CALN1: variants seen among roughly 807,000 people sequenced by gnomAD.
CALN1 encodes the protein calneuron 1.
CALN1 carries 17 observed loss-of-function variants against 30.6 expected under a neutral mutation model. The ratio of observed to expected loss-of-function variants is 0.56; its 90% CI spans 0.38 to 0.83. The LOEUF is 0.83. Ranked by LOEUF, CALN1 falls within the 40% of genes least tolerant of loss-of-function variation. CALN1 has a pLI of 0.00. For missense variants in CALN1, 291 were observed against 354.9 expected (o/e 0.82, Z 1.45); for synonymous variants, 156 against 131.4 (o/e 1.19, Z -1.28).
At chr7:72,179,437 T>C (rs6963158) in intron 3 of CALN1, among the ~76,000 whole-genome samples, 39,138 of 152,134 alleles carry the variant, frequency 0.26, 6,016 homozygotes, top group Non-Finnish European at 0.35. Flanking sequence ...TAAACACTTA[T>C]GTCTGCATCG....
At chr7:72,035,296 CCT>C (rs1332627758) in intron 4 of CALN1, among the ~76,000 whole-genome samples, 4 of 152,114 alleles carry the variant, frequency 2.6e-5, no homozygotes, top group Admixed American at 6.5e-5. Context: ...CCCTCCAGCC[CCT>C]GATGACCACC....
chr7:72,444,272 C>A (rs77497491), intron 1 of CALN1, among the ~76,000 whole-genome samples: 1,861 of 152,054 alleles, frequency 0.012, 40 homozygotes, highest in African/African-American at 0.043. Flanking sequence ...GCTCCCAGGG[C>A]ACTCCTGGAG....
At chr7:72,004,716 AAAC>A (rs1181438041) in intron 5 of CALN1, among the ~76,000 whole-genome samples, 4 of 152,208 alleles carry the variant, frequency 2.6e-5, no homozygotes, top group Non-Finnish European at 5.9e-5. Context: ...AACAAAACAA[AAAC>A]AACTAACCAA....
intron 5 of CALN1, among the ~76,000 whole-genome samples, chr7:71,856,919 C>A (rs1347099963): frequency 6.6e-6 from 1 of 151,992 alleles, no homozygotes; most frequent in African/African-American, 2.4e-5. Context: ...CGTGCCATTG[C>A]ACTCCAGCCT....
chr7:71,920,102 T>C (rs1398732360), intron 5 of CALN1, among the ~76,000 whole-genome samples: 1 of 152,184 alleles, frequency 6.6e-6, no homozygotes, highest in Non-Finnish European at 1.5e-5. Context: ...GTTTAAAGGA[T>C]TGCAGACATG....
At chr7:71,934,259 G>A (rs1795712700) in intron 5 of CALN1, among the ~76,000 whole-genome samples, 1 of 152,154 alleles carries the variant, frequency 6.6e-6, no homozygotes, top group Non-Finnish European at 1.5e-5. Context: ...ATATCTGAAG[G>A]TGTTCTGTTA....
upstream of CALN1, among the ~76,000 whole-genome samples, chr7:72,451,942 GA>G (rs1394593872): frequency 6.6e-6 from 1 of 152,104 alleles, no homozygotes. Context: ...GCTGAGATGG[GA>G]AGATCACTTG....
chr7:72,352,742 G>A (rs991083876), intron 2 of CALN1, among the ~76,000 whole-genome samples: 2 of 151,894 alleles, frequency 1.3e-5, no homozygotes, highest in Non-Finnish European at 2.9e-5. Flanking sequence ...AAGCTAAAAA[G>A]AGAAGAACAA....
chr7:72,282,017 T>A (rs1475344013), intron 2 of CALN1, among the ~76,000 whole-genome samples: 1 of 152,136 alleles, frequency 6.6e-6, no homozygotes, highest in Non-Finnish European at 1.5e-5. Flanking sequence ...CAAAGTCTAG[T>A]GGGGAAGAAA....
intron 3 of CALN1, among the ~76,000 whole-genome samples, chr7:72,160,690 A>C (rs1361514617): frequency 1.3e-5 from 2 of 152,200 alleles, no homozygotes; most frequent in Non-Finnish European, 2.9e-5. Flanking sequence ...TGGGTTCATG[A>C]ATTCAAAGCT....
chr7:72,102,560 G>A (rs945759403), intron 4 of CALN1, among the ~76,000 whole-genome samples: 2 of 152,096 alleles, frequency 1.3e-5, no homozygotes, highest in Admixed American at 6.5e-5. Flanking sequence ...AGTGGAATAG[G>A]AATATGGCCA....
At chr7:71,956,605 G>C (rs1796975243) in intron 5 of CALN1, among the ~76,000 whole-genome samples, 1 of 151,912 alleles carries the variant, frequency 6.6e-6, no homozygotes, top group South Asian at 2.1e-4. Flanking sequence ...GGGATTACAG[G>C]GGCTGACTGT....
At chr7:71,909,834 C>T (rs1202964338) in intron 5 of CALN1, among the ~76,000 whole-genome samples, 5 of 152,100 alleles carry the variant, frequency 3.3e-5, no homozygotes, top group Non-Finnish European at 5.9e-5. Context: ...TGATGATAAC[C>T]CCTTAGAGAC....
chr7:71,900,339 C>T (rs1194037055), intron 5 of CALN1, among the ~76,000 whole-genome samples: 1 of 152,144 alleles, frequency 6.6e-6, no homozygotes, highest in African/African-American at 2.4e-5. Context: ...GAAAGAAAGA[C>T]ACTCAAATTG....
At chr7:72,087,002 TG>T (rs1805526535) in intron 4 of CALN1, among the ~76,000 whole-genome samples, 1 of 152,126 alleles carries the variant, frequency 6.6e-6, no homozygotes, top group African/African-American at 2.4e-5. Context: ...AAGTTGTTAC[TG>T]ACTTAAAAAG....
chr7:71,790,186 AAGAG>A (rs761781478), intron 6 of CALN1, among the ~76,000 whole-genome samples: 1 of 151,286 alleles, frequency 6.6e-6, no homozygotes, highest in African/African-American at 2.4e-5. Flanking sequence ...GAATCAAAGA[AAGAG>A]AAAGAGAGAA....
intron 2 of CALN1, among the ~76,000 whole-genome samples, chr7:72,389,294 C>T (rs561212316): frequency 1.3e-5 from 2 of 152,304 alleles, no homozygotes; most frequent in East Asian, 3.9e-4. Context: ...TTCTCTTCTC[C>T]AACTTTGAAT....
At chr7:71,846,911 T>C (rs528268721) in intron 5 of CALN1, among the ~76,000 whole-genome samples, 20 of 137,412 alleles carry the variant, frequency 1.5e-4, no homozygotes, top group Non-Finnish European at 2.7e-4. Flanking sequence ...AATATATACA[T>C]ACATATATGT....
chr7:72,451,940 G>A (rs530559801), upstream of CALN1, among the ~76,000 whole-genome samples: 3 of 152,164 alleles, frequency 2.0e-5, no homozygotes, highest in South Asian at 4.2e-4. Flanking sequence ...AGGCTGAGAT[G>A]GGAAGATCAC....
Sources: gnomAD v4.1 joint callset for allele counts (sites outside exome capture counted in the v4.1 genomes callset) on GRCh38, gnomAD v4.1.1 for gene constraint, MANE v1.5 for transcripts, NCBI Gene and HGNC (gene_info 2026-07-23, HGNC 2026-07-21) for gene names.